The following RANBP10 variants were observed in gnomAD, a reference collection of about 807,000 sequenced individuals.
The protein encoded by RANBP10 is RAN binding protein 10, also known as ran-binding protein 10.
RANBP10 carries 24 observed loss-of-function variants against 72.8 expected under a neutral mutation model. The ratio of observed to expected loss-of-function variants is 0.33; its 90% CI spans 0.24 to 0.46. The LOEUF is 0.46. Ranked by LOEUF, RANBP10 falls within the 20% of genes least tolerant of loss-of-function variation. RANBP10 has a pLI of 1.00. For synonymous variants in RANBP10, 310 were observed against 322.3 expected (o/e 0.96, Z 0.41); for missense variants, 679 against 817.5 (o/e 0.83, Z 2.07).
At position 67,744,143 on chromosome 16, in the gene RANBP10, A is replaced by T. The variant is rs892412713; in HGVS notation, c.568+145T>A. 29 of 1,459,668 alleles carry T rather than the reference A, an allele frequency of 2.0e-5. No homozygotes were observed. The African/African-American group carries it at 4.1e-4, about 21-fold the overall frequency. 90.4% of individuals were successfully genotyped at this position (1,459,668 alleles called of 1,614,324 possible). On this transcript the variant is annotated intron_variant, in intron 4 of 13. Transcript: ENST00000317506. Reference sequence around the variant, plus strand: ...GGCGTGCCCCTGCTACCCTCTATTCACCTGAAAGGGCTCCAATGCCTGGAA... The same window carrying T: ...GGCGTGCCCCTGCTACCCTCTATTCTCCTGAAAGGGCTCCAATGCCTGGAA...
intron 2 of RANBP10, among the ~76,000 whole-genome samples, chr16:67,792,260 A>G (rs2055042037): frequency 6.6e-6 from 1 of 152,092 alleles, no homozygotes; most frequent in South Asian, 2.1e-4. Context: ...AACTATTCAA[A>G]AAATATAGGC....
rs1597811192 is a variant in RANBP10 at position 67,724,599 on chromosome 16, C to T, written c.*1829G>A. On this transcript the variant is annotated 3_prime_UTR_variant, in exon 14 of 14. Coordinates refer to ENST00000317506, the MANE Select transcript of RANBP10 (RefSeq NM_020850.3). ...CTATGGGTCTGCCAGCCCCAAGGAC[C>T]AAGAAAAAGCAGCAGCTATAGGATC... The T allele has an allele frequency of 6.6e-6, 1 of 152,358 alleles. No individual in the cohort carries two copies. Among genetic ancestry groups the T allele is most frequent in the East Asian group, 1.9e-4 (1 of 5,174 alleles). The allele number at this position is 152,358 out of a possible 1,614,324, so 9.4% of individuals were successfully genotyped here.
intron 2 of RANBP10, among the ~76,000 whole-genome samples, chr16:67,774,457 C>T (rs991330398): frequency 6.6e-6 from 1 of 152,204 alleles, no homozygotes; most frequent in Non-Finnish European, 1.5e-5. Context: ...AGACGCCTCT[C>T]CCTTCTCCAG....
rs1597886888 is a variant in RANBP10 at position 67,771,907 on chromosome 16, CA to C, written c.400+126del. The C allele has an allele frequency of 1.1e-5, 12 of 1,082,232 alleles. No individual in the cohort carries two copies. In the East Asian group the frequency reaches 3.0e-4, roughly 27 times the overall value. The allele number at this position is 1,082,232 out of a possible 1,614,324, so 67.0% of individuals were successfully genotyped here. A position where few individuals can be genotyped will look rare whatever the true frequency, so the allele number is the denominator to read the frequency against. ...GGGCTACCTTTCAGGATCCTCCAAC[CA>C]GTAGCATGGCTTGAGGTAGGCAGCT... On this transcript the variant is annotated intron_variant, in intron 3 of 13. Coordinates refer to ENST00000317506, the MANE Select transcript of RANBP10 (RefSeq NM_020850.3).
intron 2 of RANBP10, 81 bp from the exon 3 acceptor site, chr16:67,772,167 T>G: frequency 6.9e-7 from 1 of 1,447,430 alleles, no homozygotes; most frequent in Non-Finnish European, 9.5e-7. Flanking sequence ...CATTTATTGG[T>G]AAAAGACAGA....
At chr16:67,799,025 G>A (rs1413594111) in intron 2 of RANBP10, among the ~76,000 whole-genome samples, 15 of 151,150 alleles carry the variant, frequency 9.9e-5, no homozygotes, top group Admixed American at 6.6e-5. Context: ...TCCCAGGTTC[G>A]AGTGATTCTC....
intron 2 of RANBP10, among the ~76,000 whole-genome samples, chr16:67,798,016 AGAACAGT>A (rs2055165227): frequency 6.6e-6 from 1 of 150,998 alleles, no homozygotes; most frequent in Non-Finnish European, 1.5e-5. Context: ...AAAAAAGCAA[AGAACAGT>A]GGCCACCATC....
At chr16:67,740,542 G>A (rs750953201) in intron 4 of RANBP10, among the ~76,000 whole-genome samples, 2 of 152,036 alleles carry the variant, frequency 1.3e-5, no homozygotes, top group Non-Finnish European at 2.9e-5. Context: ...ATAGAACAGG[G>A]TCTATTCTAT....
intron 2 of RANBP10, among the ~76,000 whole-genome samples, chr16:67,783,599 A>T (rs2054853561): frequency 6.6e-6 from 1 of 152,222 alleles, no homozygotes; most frequent in Non-Finnish European, 1.5e-5. Context: ...TAGAGGAGGA[A>T]AGGTTAAACC....
intron 3 of RANBP10, among the ~76,000 whole-genome samples, chr16:67,749,631 G>A (rs2054156994): frequency 1.3e-5 from 2 of 152,216 alleles, no homozygotes; most frequent in African/African-American, 4.8e-5. Context: ...CTTTCTGTTT[G>A]CTAGTGGGTA....
In RANBP10 at chr16:67,805,551, G is replaced by C; in HGVS notation, c.236-12C>G. On this transcript the variant is annotated splice_polypyrimidine_tract_variant and intron_variant, in intron 1 of 13. Coordinates refer to ENST00000317506, the MANE Select transcript of RANBP10 (RefSeq NM_020850.3). ...ATTTTTGCCATGACCTAACAGGAGA[G>C]GGCAAGTAAGAAATTTCAGCAGAAG... is the stretch of plus-strand genomic sequence containing the variant. 1 of 1,607,580 alleles carries C rather than the reference G, an allele frequency of 6.2e-7. No homozygotes were observed. Among genetic ancestry groups the C allele is most frequent in the Non-Finnish European group, 8.5e-7 (1 of 1,176,286 alleles).
chr16:67,735,957 T>C (rs911181061), intron 5 of RANBP10, among the ~76,000 whole-genome samples: 1 of 151,834 alleles, frequency 6.6e-6, no homozygotes, highest in Non-Finnish European at 1.5e-5. Context: ...GCCAGTAGGG[T>C]GTGAGGCTCC....
In RANBP10 at chr16:67,726,459, G is replaced by A. The variant is rs2053602118; in HGVS notation, c.1832C>T (p.Ser611Phe). ...LMARAGLGSC[S>F]FARVDDYLH ...CAAGTAGTCATCAACTCTGGCAAAGGAGCAAGAACCCAGGCCTGCTCGGGC... is the reference window on the plus strand; with the variant it reads ...CAAGTAGTCATCAACTCTGGCAAAGAAGCAAGAACCCAGGCCTGCTCGGGC... Residue 611 changes from serine (S) to phenylalanine (F), a missense_variant, in exon 14 of 14, where the codon TCC becomes TTC. By Grantham distance (155) the Ser-to-Phe change is radical. Transcript: ENST00000317506. 1 of 1,611,144 alleles carries A rather than the reference G, an allele frequency of 6.2e-7. No homozygotes were observed. The highest frequency in any genetic ancestry group is 1.3e-5 in the African/African-American group (1 of 74,898).
intron 2 of RANBP10, among the ~76,000 whole-genome samples, chr16:67,801,049 T>C (rs2055227079): frequency 6.6e-6 from 1 of 152,184 alleles, no homozygotes; most frequent in African/African-American, 2.4e-5. Context: ...TGTGAAATCT[T>C]GACATGAAAC....
intron 3 of RANBP10, among the ~76,000 whole-genome samples, chr16:67,754,088 G>T (rs1016437390): frequency 1.4e-5 from 2 of 147,388 alleles, no homozygotes; most frequent in Non-Finnish European, 3.0e-5. Flanking sequence ...AGCAGAGATC[G>T]CACCACTGCA....
At chr16:67,784,591 G>C (rs1314543430) in intron 2 of RANBP10, among the ~76,000 whole-genome samples, 2 of 152,178 alleles carry the variant, frequency 1.3e-5, no homozygotes, top group Admixed American at 6.6e-5. Context: ...GGGAGGTGAA[G>C]GTTGCGGTGA....
At chr16:67,745,549 G>A (rs1209423534) in intron 3 of RANBP10, among the ~76,000 whole-genome samples, 2 of 151,144 alleles carry the variant, frequency 1.3e-5, no homozygotes, top group East Asian at 4.0e-4. Flanking sequence ...TGGCCAGGCT[G>A]GTCTTGAACT....
At chr16:67,727,717 G>C (rs2053633824) in intron 12 of RANBP10, 34 bp downstream of exon 12, 1 of 1,613,682 alleles carries the variant, frequency 6.2e-7, no homozygotes. Context: ...ACCAAATGGG[G>C]CCTGCTCTGC....
intron 2 of RANBP10, among the ~76,000 whole-genome samples, chr16:67,777,037 C>G (rs1357182655): frequency 2.0e-5 from 3 of 150,200 alleles, no homozygotes; most frequent in Non-Finnish European, 4.4e-5. Context: ...TGGTGAAAAC[C>G]CATCTCTACT....
Sources: allele counts gnomAD v4.1 joint callset (sites outside exome capture counted in the v4.1 genomes callset), GRCh38; gene constraint gnomAD v4.1.1; transcripts MANE v1.5; gene names NCBI Gene and HGNC (gene_info 2026-07-23, HGNC 2026-07-21).